TANC1: variants seen among roughly 807,000 people sequenced by gnomAD.
TANC1 encodes protein TANC1.
In TANC1, 77 loss-of-function variants were observed where a neutral mutation model predicts 149.7. The observed-to-expected ratio is 0.51, with a 90% CI of 0.43 to 0.62. The LOEUF (loss-of-function observed/expected upper bound fraction) is 0.62. TANC1 is among the 20% of genes least tolerant of loss of function. The pLI is 0.00. For missense variants in TANC1, 1,985 were observed against 2,321.8 expected (o/e 0.85, Z 2.98); for synonymous variants, 854 against 925.0 (o/e 0.92, Z 1.39).
intron 19 of TANC1, among the ~76,000 whole-genome samples, chr2:159,212,691 GC>G (rs1335375732): frequency 6.6e-6 from 1 of 152,112 alleles, no homozygotes; most frequent in Non-Finnish European, 1.5e-5. Flanking sequence ...GAAGGCCAAG[GC>G]AGGCAGATCC....
chr2:159,148,253 A>G (rs1250475951), intron 5 of TANC1: 3 of 152,250 alleles, frequency 2.0e-5, no homozygotes, highest in Non-Finnish European at 4.4e-5. Flanking sequence ...CTGATTTTAG[A>G]AGGTGAGAGA....
At chr2:159,106,305 G>A (rs553639332) in intron 4 of TANC1, among the ~76,000 whole-genome samples, 14 of 152,038 alleles carry the variant, frequency 9.2e-5, no homozygotes, top group African/African-American at 7.2e-5. Context: ...TTCACATTCC[G>A]CCCTGCCCTT....
intron 3 of TANC1, among the ~76,000 whole-genome samples, chr2:159,092,314 G>A (rs1057283411): frequency 1.3e-5 from 2 of 151,854 alleles, no homozygotes; most frequent in East Asian, 1.9e-4. Flanking sequence ...CCTTGCCTTC[G>A]TTGCCCTCAT....
intron 8 of TANC1, among the ~76,000 whole-genome samples, 181 bp downstream of exon 8, chr2:159,163,727 T>C (rs1165214257): frequency 6.6e-6 from 1 of 152,172 alleles, no homozygotes; most frequent in African/African-American, 2.4e-5. Context: ...TACTTAATGG[T>C]CTTTAAGTGA....
At chr2:159,137,254 G>A (rs2050858109) in intron 5 of TANC1, among the ~76,000 whole-genome samples, 1 of 152,170 alleles carries the variant, frequency 6.6e-6, no homozygotes, top group Non-Finnish European at 1.5e-5. Context: ...GTATGGCAGG[G>A]AGTGGGTAAT....
At chr2:159,112,325 G>C (rs375120461) in intron 4 of TANC1, among the ~76,000 whole-genome samples, 15 of 151,878 alleles carry the variant, frequency 9.9e-5, no homozygotes, top group African/African-American at 3.6e-4. Context: ...CATCTTGCTC[G>C]GCTCACTGCA....
At chr2:159,220,791 A>G (rs1352641459) in intron 22 of TANC1, among the ~76,000 whole-genome samples, 1 of 152,180 alleles carries the variant, frequency 6.6e-6, no homozygotes, top group African/African-American at 2.4e-5. Context: ...CATGTTGCCC[A>G]GGCTGGTCTC....
chr2:159,199,606 G>A (rs2150743747), intron 19 of TANC1, among the ~76,000 whole-genome samples: 1 of 152,360 alleles, frequency 6.6e-6, no homozygotes, highest in South Asian at 2.1e-4. Context: ...ACATCCTGGT[G>A]AAGATTTGAG....
At position 159,075,358 on chromosome 2, in the gene TANC1, A is replaced by G. The variant is rs568692301; in HGVS notation, c.61+9387A>G. Among the ~76,000 whole-genome samples, 4 of 151,484 alleles carry G rather than the reference A, an allele frequency of 2.6e-5. No homozygotes were observed. In the South Asian group the frequency reaches 8.5e-4, roughly 32 times the overall value. ...TGAGGCGGGAGGATTGCTTGAGCCTAGGCGTTCAAGACCAGCCTGAGCAAC... is the reference window on the plus strand; with the variant it reads ...TGAGGCGGGAGGATTGCTTGAGCCTGGGCGTTCAAGACCAGCCTGAGCAAC... On this transcript the variant is annotated intron_variant, in intron 3 of 26. Transcript: ENST00000263635.
intron 14 of TANC1, among the ~76,000 whole-genome samples, chr2:159,181,720 A>G (rs1322339291): frequency 1.3e-5 from 2 of 152,196 alleles, no homozygotes. Context: ...CTCTGCATGA[A>G]ATATATTTTA....
intron 3 of TANC1, among the ~76,000 whole-genome samples, chr2:159,087,928 C>T (rs147156193): frequency 3.3e-5 from 5 of 149,440 alleles, no homozygotes; most frequent in Admixed American, 1.3e-4. Context: ...GATGTGATGA[C>T]GTAGGCAGAG....
At chr2:159,135,073 A>G (rs917270988) in intron 4 of TANC1, among the ~76,000 whole-genome samples, 4 of 152,190 alleles carry the variant, frequency 2.6e-5, no homozygotes, top group African/African-American at 9.6e-5. Context: ...TCTAGAAAGA[A>G]GTCACATATC....
intron 2 of TANC1, among the ~76,000 whole-genome samples, chr2:159,057,617 A>G (rs2041947609): frequency 6.6e-6 from 1 of 152,210 alleles, no homozygotes; most frequent in Non-Finnish European, 1.5e-5. Flanking sequence ...GTCTGTTTTT[A>G]GGTACAATAA....
At chr2:158,984,651 G>T (rs1398501880) in intron 1 of TANC1, among the ~76,000 whole-genome samples, 2 of 152,152 alleles carry the variant, frequency 1.3e-5, no homozygotes, top group African/African-American at 4.8e-5. Flanking sequence ...CCACTGCAAG[G>T]TGTTAGGGAG....
At chr2:159,211,704 C>T (rs187637216) in intron 19 of TANC1, among the ~76,000 whole-genome samples, 5 of 152,260 alleles carry the variant, frequency 3.3e-5, no homozygotes, top group African/African-American at 7.2e-5. Flanking sequence ...AGGAGTTCGC[C>T]GTGATGGCCC....
In TANC1 at chr2:159,225,527, T is replaced by C. The variant is rs936249059; in HGVS notation, c.3812-161T>C. On this transcript the variant is annotated intron_variant, in intron 23 of 26. Coordinates refer to ENST00000263635, the MANE Select transcript of TANC1 (RefSeq NM_033394.3). ...AGTGCCCAGGTCAGTGGGAAAGGATTAGCAACAGCCTCGCCGGCGTCCTGC... is the reference window on the plus strand; with the variant it reads ...AGTGCCCAGGTCAGTGGGAAAGGATCAGCAACAGCCTCGCCGGCGTCCTGC... The C allele has an allele frequency of 1.4e-5, 9 of 633,070 alleles. No individual in the cohort carries two copies. In the Admixed American group the frequency reaches 1.9e-4, roughly 14 times the overall value. The allele number at this position is 633,070 out of a possible 1,614,324, so 39.2% of individuals were successfully genotyped here. A position where few individuals can be genotyped will look rare whatever the true frequency, so the allele number is the denominator to read the frequency against.
intron 3 of TANC1, among the ~76,000 whole-genome samples, chr2:159,082,418 A>G (rs2044372677): frequency 6.6e-6 from 1 of 151,268 alleles, no homozygotes; most frequent in Non-Finnish European, 1.5e-5. Flanking sequence ...GAACCACAGT[A>G]AGCATCTTAC....
chr2:159,142,391 G>A (rs558252537), intron 5 of TANC1, among the ~76,000 whole-genome samples: 40 of 152,372 alleles, frequency 2.6e-4, no homozygotes, highest in Non-Finnish European at 4.1e-4. Flanking sequence ...CTTAGTATAT[G>A]TCAAGGCACT....
intron 19 of TANC1, among the ~76,000 whole-genome samples, chr2:159,216,906 G>A (rs557430165): frequency 4.6e-5 from 7 of 152,184 alleles, no homozygotes; most frequent in Non-Finnish European, 8.8e-5. Flanking sequence ...TGATTTTAGG[G>A]TAAGAGGCCA....
Sources: gnomAD v4.1 joint callset for allele counts (sites outside exome capture counted in the v4.1 genomes callset) on GRCh38, gnomAD v4.1.1 for gene constraint, MANE v1.5 for transcripts, NCBI Gene and HGNC (gene_info 2026-07-23, HGNC 2026-07-21) for gene names.